STARD13: variants seen among roughly 807,000 people sequenced by gnomAD.
STARD13 encodes StAR related lipid transfer domain containing 13.
A neutral mutation model predicts 106.4 loss-of-function variants in STARD13; 62 were observed. The ratio of observed to expected loss-of-function variants is 0.58; its 90% CI spans 0.48 to 0.72. The LOEUF is 0.72. Ranked by LOEUF, STARD13 falls within the 30% of genes least tolerant of loss-of-function variation. STARD13 has a pLI of 0.00. For missense variants in STARD13, 1,387 were observed against 1,424.0 expected, an observed-to-expected ratio of 0.97 and a Z score of 0.42; for synonymous variants, 565 against 553.0, an observed-to-expected ratio of 1.02 and a Z score of -0.31.
intron 1 of STARD13, among the ~76,000 whole-genome samples, chr13:33,183,079 T>C (rs1455530071): frequency 6.6e-6 from 1 of 152,260 alleles, no homozygotes; most frequent in Non-Finnish European, 1.5e-5. Context: ...TCTATCAAGA[T>C]TTAGCGAAGA....
At chr13:33,592,852 T>A in the STARD13 span, among the ~76,000 whole-genome samples, 1 of 152,206 alleles carries the variant, frequency 6.6e-6, no homozygotes, top group Non-Finnish European at 1.5e-5. Flanking sequence ...GAGAGGGTAA[T>A]GTAGGCCTAA....
the STARD13 span, among the ~76,000 whole-genome samples, chr13:33,430,763 C>A: frequency 1.3e-5 from 2 of 152,222 alleles, no homozygotes; most frequent in East Asian, 1.9e-4. Context: ...CTGTCATTTG[C>A]AGTAACATAG....
At chr13:33,655,536 T>G in the STARD13 span, among the ~76,000 whole-genome samples, 1 of 152,206 alleles carries the variant, frequency 6.6e-6, no homozygotes, top group Non-Finnish European at 1.5e-5. Flanking sequence ...TCTCCAGGTA[T>G]GAGTGATCAC....
the STARD13 span, among the ~76,000 whole-genome samples, chr13:33,499,576 C>CT: frequency 2.9e-5 from 2 of 68,938 alleles, no homozygotes; most frequent in South Asian, 1.1e-3. Context: ...TCTTCTTCTT[C>CT]TTCTTCTTCT....
intron 1 of STARD13, among the ~76,000 whole-genome samples, chr13:33,240,120 T>C (rs372507122): frequency 2.5e-4 from 38 of 152,204 alleles, no homozygotes; most frequent in African/African-American, 9.2e-4. Context: ...ATATCCAGTT[T>C]TCCCATTTAT....
At chr13:33,357,090 G>C in the STARD13 span, among the ~76,000 whole-genome samples, 1 of 152,192 alleles carries the variant, frequency 6.6e-6, no homozygotes, top group Non-Finnish European at 1.5e-5. Flanking sequence ...TGCATATGGA[G>C]CAAGTACATT....
At chr13:33,221,862 G>C (rs1888374664) in intron 1 of STARD13, among the ~76,000 whole-genome samples, 1 of 152,132 alleles carries the variant, frequency 6.6e-6, no homozygotes, top group African/African-American at 2.4e-5. Context: ...AAAAAGCAAG[G>C]GCATTAGGCT....
chr13:33,148,104 C>G (rs1324753327), intron 3 of STARD13, among the ~76,000 whole-genome samples: 1 of 152,146 alleles, frequency 6.6e-6, no homozygotes, highest in Non-Finnish European at 1.5e-5. Context: ...AAACACAAAG[C>G]TATACAACTC....
chr13:33,518,853 A>G, the STARD13 span, among the ~76,000 whole-genome samples: 1 of 132,810 alleles, frequency 7.5e-6, no homozygotes, highest in South Asian at 2.4e-4. Flanking sequence ...CTGTTTGTGT[A>G]TGAACCAAAT....
At chr13:33,590,529 A>T in the STARD13 span, among the ~76,000 whole-genome samples, 1 of 152,006 alleles carries the variant, frequency 6.6e-6, no homozygotes, top group South Asian at 2.1e-4. Context: ...ATAAAAAAGG[A>T]TGAGTTCATG....
At chr13:33,350,629 T>C (rs558234690), upstream of STARD13, 5 of 1,359,234 alleles carry the variant, frequency 3.7e-6, no homozygotes, top group African/African-American at 4.6e-5. Context: ...CGCTAGGTTA[T>C]TAACCTCTGC....
the STARD13 span, among the ~76,000 whole-genome samples, chr13:33,587,707 C>T: frequency 6.6e-6 from 1 of 152,144 alleles, no homozygotes; most frequent in African/African-American, 2.4e-5. Context: ...TTTTTCCAGC[C>T]AATGCGTCTG....
At chr13:33,369,088 A>G in the STARD13 span, among the ~76,000 whole-genome samples, 1 of 151,950 alleles carries the variant, frequency 6.6e-6, no homozygotes, top group African/African-American at 2.4e-5. Flanking sequence ...TTTTCCCTAT[A>G]TGTCCCATAA....
chr13:33,330,564 C>T (rs574483792), intron 1 of STARD13, among the ~76,000 whole-genome samples: 6 of 152,232 alleles, frequency 3.9e-5, no homozygotes, highest in African/African-American at 1.4e-4. Flanking sequence ...TCAAGAAATG[C>T]TATGAACAAA....
At chr13:33,672,685 TA>T in the STARD13 span, among the ~76,000 whole-genome samples, 5 of 152,330 alleles carry the variant, frequency 3.3e-5, no homozygotes. Context: ...AAACAATATT[TA>T]AAGATACAGT....
At chr13:33,361,471 G>A in the STARD13 span, among the ~76,000 whole-genome samples, 15 of 152,110 alleles carry the variant, frequency 9.9e-5, no homozygotes, top group Non-Finnish European at 2.1e-4. Flanking sequence ...ACTGTAGCTC[G>A]GGGGAGTAGG....
intron 7 of STARD13, among the ~76,000 whole-genome samples, chr13:33,124,782 A>T (rs118017042): frequency 0.023 from 3,459 of 152,304 alleles, 68 homozygotes; most frequent in Non-Finnish European, 0.039. Context: ...GATGTGATTC[A>T]CAAGTCAATT....
intron 1 of STARD13, among the ~76,000 whole-genome samples, chr13:33,229,672 T>G (rs1019851160): frequency 3.3e-5 from 5 of 152,184 alleles, no homozygotes; most frequent in African/African-American, 9.7e-5. Context: ...TTTCACTAGC[T>G]TTGGTTAATT....
chr13:33,434,162 G>A, the STARD13 span, among the ~76,000 whole-genome samples: 11,786 of 152,002 alleles, frequency 0.078, 480 homozygotes, highest in East Asian at 0.13. Flanking sequence ...AGACCAGCCT[G>A]GCCAACATGG....
Sources: allele counts gnomAD v4.1 joint callset (sites outside exome capture counted in the v4.1 genomes callset), GRCh38; gene constraint gnomAD v4.1.1; transcripts MANE v1.5; gene names NCBI Gene and HGNC (gene_info 2026-07-23, HGNC 2026-07-21).